Variants in FREM2 observed in about 807,000 individuals in gnomAD.
FREM2 encodes the protein FRAS1-related extracellular matrix protein 2.
In FREM2, 119 loss-of-function variants were observed where a neutral mutation model predicts 219.9. The ratio of observed to expected loss-of-function variants is 0.54; its 90% CI spans 0.47 to 0.63. FREM2 has a LOEUF of 0.63. FREM2 is among the 30% of genes least tolerant of loss of function. The probability of loss-of-function intolerance (pLI) is 0.00; values close to 1 mark genes in which losing one functional copy is unlikely to be tolerated. For missense variants in FREM2, 4,030 were observed against 3,993.6 expected, an observed-to-expected ratio of 1.01 and a Z score of -0.25; for synonymous variants, 1,562 against 1,522.8, an observed-to-expected ratio of 1.03 and a Z score of -0.60.
Position 38,688,312 on chromosome 13 carries a change from T to C in FREM2, c.968T>C (p.Val323Ala). ...AENTAPKPSF[V>A]AMMMMEVDQF... is the part of the protein sequence containing the mutation. ...AACACTGCACCCAAGCCCAGTTTCG[T>C]GGCCATGATGATGATGGAGGTGGAC... Residue 323 changes from valine to alanine, a missense_variant, in exon 1 of 24, where the codon GTG becomes GCG. Physicochemically the swap from Val to Ala is moderately conservative, Grantham distance 64. This residue lies in a region of FREM2 where 3,102 missense variants were observed against 2,950.7 expected (regional missense o/e 1.05). Coordinates refer to ENST00000280481, the MANE Select transcript of FREM2 (RefSeq NM_207361.6). 1.2e-6 allele frequency: 2 copies of C among 1,614,194 alleles called. No individual in the cohort carries two copies. The highest frequency in any genetic ancestry group is 1.7e-6 in the Non-Finnish European group (2 of 1,180,040).
chr13:38,743,230 A>G (rs576709344), intron 2 of FREM2, among the ~76,000 whole-genome samples: 5 of 152,184 alleles, frequency 3.3e-5, no homozygotes, highest in African/African-American at 1.2e-4. Context: ...TAAGTTTTCT[A>G]CCCAGGTTTT....
Position 38,846,354 on chromosome 13 carries a change from T to G in FREM2, c.6020-219T>G, listed in dbSNP as rs181879042. On this transcript the variant is annotated intron_variant, in intron 6 of 23. Coordinates refer to ENST00000280481, the MANE Select transcript of FREM2 (RefSeq NM_207361.6). ...AACTTATGCCTCAAGATGAGAATGT[T>G]TTATTAGGCACTTTACTGTGTGTAT... is the stretch of plus-strand genomic sequence containing the variant. Among the ~76,000 whole-genome samples the G allele has an allele frequency of 2.9e-3, 445 of 152,284 alleles. 5 individuals are homozygous for G. The highest frequency in any genetic ancestry group is 0.017 in the Middle Eastern group (5 of 294).
At chr13:38,836,729 T>G (rs545912259) in intron 6 of FREM2, among the ~76,000 whole-genome samples, 4 of 152,176 alleles carry the variant, frequency 2.6e-5, no homozygotes, top group African/African-American at 9.6e-5. Context: ...AGTTTATTTA[T>G]GTAGAGGTGT....
chr13:38,733,951 T>C (rs2137770883), intron 2 of FREM2, among the ~76,000 whole-genome samples: 1 of 152,256 alleles, frequency 6.6e-6, no homozygotes, highest in East Asian at 1.9e-4. Context: ...TAAAAATAAA[T>C]CTTCTGGCAT....
At chr13:38,732,607 C>T (rs1320280933) in intron 2 of FREM2, among the ~76,000 whole-genome samples, 2 of 152,264 alleles carry the variant, frequency 1.3e-5, no homozygotes, top group East Asian at 1.9e-4. Flanking sequence ...TCAGACACAA[C>T]TGGGTTGAAA....
chr13:38,856,931 C>T lies in FREM2; in HGVS notation c.7056+675C>T, dbSNP rs143769019. 1.0e-3 allele frequency among the ~76,000 whole-genome samples: 157 copies of T among 151,726 alleles called. 1 individual carries two copies. The highest frequency in any genetic ancestry group is 9.3e-3 in the East Asian group (48 of 5,164). On this transcript the variant is annotated intron_variant, in intron 12 of 23. Transcript: ENST00000280481. ...CTGTATTACTTTTTTTTATTTGTTTCACTTTAGTATGAGTTCAAGCTGGGA... is the reference window on the plus strand; with the variant it reads ...CTGTATTACTTTTTTTTATTTGTTTTACTTTAGTATGAGTTCAAGCTGGGA...
intron 23 of FREM2, 100 bp downstream of exon 23, chr13:38,879,077 A>G (rs912032009): frequency 3.7e-6 from 4 of 1,084,046 alleles, no homozygotes; most frequent in East Asian, 2.4e-5. Context: ...TAGCAGTAAT[A>G]GTAATATTGC....
intron 2 of FREM2, among the ~76,000 whole-genome samples, chr13:38,706,659 C>G (rs1177002718): frequency 6.6e-6 from 1 of 152,068 alleles, no homozygotes; most frequent in African/African-American, 2.4e-5. Context: ...TAAAATCCTG[C>G]TTTTTCTGAG....
At chr13:38,697,298 C>T (rs775551335) in intron 1 of FREM2, among the ~76,000 whole-genome samples, 1 of 152,208 alleles carries the variant, frequency 6.6e-6, no homozygotes, top group African/African-American at 2.4e-5. Flanking sequence ...CGGGCCAGTT[C>T]CCTACTGGGA....
chr13:38,803,361 C>T (rs1013950489), intron 6 of FREM2, among the ~76,000 whole-genome samples: 17 of 152,032 alleles, frequency 1.1e-4, no homozygotes, highest in Admixed American at 3.9e-4. Context: ...AGGTCAGGGG[C>T]GCTAGAAGTA....
At chr13:38,707,945 C>T (rs570356303) in intron 2 of FREM2, among the ~76,000 whole-genome samples, 7 of 152,314 alleles carry the variant, frequency 4.6e-5, no homozygotes, top group South Asian at 2.1e-4. Flanking sequence ...TTTCACCATC[C>T]GTGTCCACCC....
intron 11 of FREM2, among the ~76,000 whole-genome samples, chr13:38,855,125 G>T (rs1045527791): frequency 2.8e-5 from 4 of 142,448 alleles, no homozygotes; most frequent in Non-Finnish European, 6.0e-5. Context: ...GAGTGGTTAA[G>T]AAAATAATTC....
intron 21 of FREM2, 51 bp from the exon 22 acceptor site, chr13:38,878,083 T>G: frequency 7.6e-6 from 11 of 1,445,438 alleles, no homozygotes; most frequent in Non-Finnish European, 9.7e-6. Flanking sequence ...AGTGTCACGT[T>G]GATATACCTT....
intron 4 of FREM2, among the ~76,000 whole-genome samples, chr13:38,779,226 G>C (rs942736190): frequency 2.6e-5 from 4 of 151,128 alleles, no homozygotes; most frequent in Non-Finnish European, 5.9e-5. Flanking sequence ...GGGGCTTGTC[G>C]GGGGGTGGAG....
intron 6 of FREM2, among the ~76,000 whole-genome samples, chr13:38,805,024 C>T (rs527857292): frequency 6.6e-6 from 1 of 152,186 alleles, no homozygotes; most frequent in East Asian, 1.9e-4. Context: ...TACCTTATGG[C>T]ATGTTTTTTG....
At chr13:38,837,797 C>CTTTTTTTTTTTTTTTTTTTTT (rs1324884346) in intron 6 of FREM2, among the ~76,000 whole-genome samples, 2 of 123,696 alleles carry the variant, frequency 1.6e-5, no homozygotes, top group Non-Finnish European at 3.6e-5. Flanking sequence ...TTTGTTTTTG[C>CTTTTTTTTTTTTTTTTTTTTT]TTTCCATTTG....
chr13:38,833,349 A>G (rs1221745465), intron 6 of FREM2, among the ~76,000 whole-genome samples: 1 of 152,130 alleles, frequency 6.6e-6, no homozygotes, highest in East Asian at 1.9e-4. Flanking sequence ...TTTTCTGCAT[A>G]TGAACTTTGT....
chr13:38,727,592 A>G (rs1276140911), intron 2 of FREM2, among the ~76,000 whole-genome samples: 1 of 152,264 alleles, frequency 6.6e-6, no homozygotes, highest in Non-Finnish European at 1.5e-5. Context: ...GAAGGCAGAG[A>G]CTATGATTGT....
At chr13:38,786,527 A>G (rs1171932301) in intron 6 of FREM2, among the ~76,000 whole-genome samples, 1 of 152,188 alleles carries the variant, frequency 6.6e-6, no homozygotes, top group East Asian at 1.9e-4. Context: ...AGAAAGAGCA[A>G]TATTTTGAAT....
Sources: gnomAD v4.1 joint callset for allele counts (sites outside exome capture counted in the v4.1 genomes callset) on GRCh38, gnomAD v4.1.1 for gene constraint, gnomAD v4.1.1 regional missense constraint, MANE v1.5 for transcripts, NCBI Gene and HGNC (gene_info 2026-07-23, HGNC 2026-07-21) for gene names.